Variants in CDH18 observed in about 807,000 individuals in gnomAD.
The protein encoded by CDH18 is cadherin-18.
CDH18 carries 31 observed loss-of-function variants against 67.9 expected under a neutral mutation model. The ratio of observed to expected loss-of-function variants is 0.46; its 90% confidence interval spans 0.34 to 0.62. The LOEUF is 0.62. Among genes scored for constraint, CDH18 ranks in the 20% least tolerant of loss-of-function variants. The pLI is 0.01. For missense variants in CDH18, 890 were observed against 975.5 expected, an observed-to-expected ratio of 0.91 and a Z score of 1.17; for synonymous variants, 362 against 347.2, an observed-to-expected ratio of 1.04 and a Z score of -0.48.
intron 2 of CDH18, among the ~76,000 whole-genome samples, chr5:20,212,247 A>G (rs1740412070): frequency 6.6e-6 from 1 of 152,076 alleles, no homozygotes; most frequent in South Asian, 2.1e-4. Flanking sequence ...AGTAAAAATA[A>G]ATGAACAGAC....
At chr5:19,738,274 G>A (rs1460430799) in intron 4 of CDH18, among the ~76,000 whole-genome samples, 1 of 152,038 alleles carries the variant, frequency 6.6e-6, no homozygotes, top group African/African-American at 2.4e-5. Context: ...ATAAGCCAAG[G>A]TTGCTCTAAG....
Position 20,529,288 on chromosome 5 carries a change from C to T in CDH18, c.-580+46174G>A, listed in dbSNP as rs185377198. Among the ~76,000 whole-genome samples, 170 of 151,402 alleles carry T rather than the reference C, an allele frequency of 1.1e-3. 1 individual carries two copies. The highest frequency in any genetic ancestry group is 3.4e-3 in the Middle Eastern group (1 of 292). On this transcript the variant is annotated intron_variant, in intron 1 of 14. Transcript: ENST00000507958. ...ATGGGGAAAAAAAAAAAGCCCAGAA[C>T]CAGATGGATTTACAGCTGAATTCTA...
chr5:19,711,650 T>A (rs368676816), intron 5 of CDH18, among the ~76,000 whole-genome samples: 664 of 115,214 alleles, frequency 5.8e-3, no homozygotes, highest in African/African-American at 6.6e-3. Context: ...TAGTATAAAG[T>A]AAAAAAAAAA....
At chr5:20,055,661 G>C (rs1009431681) in intron 2 of CDH18, among the ~76,000 whole-genome samples, 5 of 152,214 alleles carry the variant, frequency 3.3e-5, no homozygotes, top group African/African-American at 1.2e-4. Context: ...TTTAGCTACT[G>C]TTGTTTCAGA....
At chr5:19,839,525 T>C (rs1262253252) in intron 2 of CDH18, among the ~76,000 whole-genome samples, 1 of 152,186 alleles carries the variant, frequency 6.6e-6, no homozygotes, top group African/African-American at 2.4e-5. Flanking sequence ...AATTACCTAC[T>C]GTATAAGACT....
At chr5:19,767,891 A>C (rs1773291211) in intron 3 of CDH18, among the ~76,000 whole-genome samples, 1 of 152,142 alleles carries the variant, frequency 6.6e-6, no homozygotes, top group Admixed American at 6.5e-5. Flanking sequence ...TGAGAAAGAA[A>C]TGTATATAAG....
chr5:19,854,734 G>A (rs1784075151), intron 2 of CDH18, among the ~76,000 whole-genome samples: 1 of 152,066 alleles, frequency 6.6e-6, no homozygotes, highest in Non-Finnish European at 1.5e-5. Flanking sequence ...TTTCCTAGGA[G>A]TGTATAGTAG....
rs190028082 is a variant in CDH18, at chr5:19,514,925, C to T, written c.1512+5732G>A. Among the ~76,000 whole-genome samples the T allele has an allele frequency of 1.7e-3, 265 of 152,246 alleles. 1 individual carries two copies. Among genetic ancestry groups the T allele is most frequent in the Non-Finnish European group, 2.7e-3 (181 of 68,028 alleles). ...TTTAGTCATGAAGTCCTTGCCCATG[C>T]CTATGTCCTGAATGGAATTGCCTAG... On this transcript the variant is annotated intron_variant, in intron 10 of 12. Transcript: ENST00000382275.
chr5:20,376,201 T>G (rs541121990), intron 1 of CDH18, among the ~76,000 whole-genome samples: 2 of 147,138 alleles, frequency 1.4e-5, no homozygotes, highest in Non-Finnish European at 3.0e-5. Context: ...TCACGCCATT[T>G]TCCTGCCTCA....
chr5:19,621,630 A>G, intron 5 of CDH18, among the ~76,000 whole-genome samples: 1 of 152,172 alleles, frequency 6.6e-6, no homozygotes, highest in East Asian at 1.9e-4. Flanking sequence ...TCAAACTCAC[A>G]GTGTCAAGAA....
intron 2 of CDH18, among the ~76,000 whole-genome samples, chr5:20,069,813 A>G (rs1743313839): frequency 6.6e-6 from 1 of 152,154 alleles, no homozygotes; most frequent in Non-Finnish European, 1.5e-5. Flanking sequence ...CTTCCCTTAC[A>G]TATACACAGC....
chr5:20,158,196 A>G (rs1751705484), intron 2 of CDH18, among the ~76,000 whole-genome samples: 1 of 152,180 alleles, frequency 6.6e-6, no homozygotes, highest in African/African-American at 2.4e-5. Context: ...TGATTTCTAT[A>G]AAGGGGATTT....
chr5:20,572,286 T>C (rs1758863101), intron 1 of CDH18, among the ~76,000 whole-genome samples: 4 of 152,156 alleles, frequency 2.6e-5, no homozygotes, highest in Admixed American at 6.6e-5. Context: ...GAAAGCAAAC[T>C]GCATGGAAGC....
At chr5:19,801,198 C>T (rs1777428819) in intron 3 of CDH18, among the ~76,000 whole-genome samples, 1 of 152,062 alleles carries the variant, frequency 6.6e-6, no homozygotes. Flanking sequence ...CCTTGGTTTC[C>T]TTTAACAGTA....
At position 19,575,311 on chromosome 5, in the gene CDH18, T is replaced by G. The variant is rs994725031; in HGVS notation, c.1000-3479A>C. Among the ~76,000 whole-genome samples, 5 of 152,184 alleles carry G rather than the reference T, an allele frequency of 3.3e-5. 1 individual carries two copies. The highest frequency in any genetic ancestry group is 4.4e-5 in the Non-Finnish European group (3 of 68,024). On this transcript the variant is annotated intron_variant, in intron 7 of 12. Coordinates refer to ENST00000382275, the MANE Select transcript of CDH18 (RefSeq NM_004934.5). ...TTAGCATGCATTCATATTCCAACAT[T>G]CACCATGGTGATGATGGTGGTTGGT...
intron 2 of CDH18, among the ~76,000 whole-genome samples, chr5:19,941,035 T>C (rs1312129730): frequency 1.3e-5 from 2 of 152,240 alleles, no homozygotes; most frequent in Middle Eastern, 3.4e-3. Flanking sequence ...AATGTTTGTG[T>C]TTCTCCACGA....
intron 2 of CDH18, among the ~76,000 whole-genome samples, chr5:20,181,547 CT>C (rs1737687585): frequency 6.6e-6 from 1 of 152,088 alleles, no homozygotes; most frequent in African/African-American, 2.4e-5. Context: ...AGATGATCCC[CT>C]GAATCATAGG....
intron 2 of CDH18, among the ~76,000 whole-genome samples, chr5:20,209,279 T>C (rs1740159446): frequency 6.6e-6 from 1 of 152,076 alleles, no homozygotes; most frequent in Non-Finnish European, 1.5e-5. Flanking sequence ...AGGAAACCAA[T>C]GTATTGAAAA....
At chr5:19,565,391 A>G (rs758713811) in intron 8 of CDH18, among the ~76,000 whole-genome samples, 27 of 152,194 alleles carry the variant, frequency 1.8e-4, no homozygotes, top group Admixed American at 1.3e-4. Context: ...GGAAGAGAAC[A>G]AGAGTCTTTG....
Sources: gnomAD v4.1 joint callset for allele counts (sites outside exome capture counted in the v4.1 genomes callset) on GRCh38, gnomAD v4.1.1 for gene constraint, MANE v1.5 for transcripts, NCBI Gene and HGNC (gene_info 2026-07-23, HGNC 2026-07-21) for gene names.